GRIN2A: variants seen among roughly 807,000 people sequenced by gnomAD.
GRIN2A encodes glutamate receptor ionotropic, NMDA 2A.
Under a neutral mutation model 113.4 loss-of-function variants are expected in GRIN2A, and 22 were observed. That is an observed-to-expected ratio of 0.19 (90% CI 0.14 to 0.28). GRIN2A has a LOEUF of 0.28. Ranked by LOEUF, GRIN2A falls within the 10% of genes least tolerant of loss-of-function variation. GRIN2A has a pLI of 1.00. For synonymous variants in GRIN2A, 827 were observed against 738.4 expected (o/e 1.12, Z -1.94); for missense variants, 1,502 against 1,887.0 (o/e 0.80, Z 3.78).
chr16:9,762,288 G>A lies in GRIN2A; in HGVS notation c.*861C>T, dbSNP rs529903493. On this transcript the variant is annotated 3_prime_UTR_variant, in exon 13 of 13. Coordinates refer to ENST00000330684, the MANE Select transcript of GRIN2A (RefSeq NM_001134407.3). ...GAAATGCAAACTTACGTACATAGGCGTCTTCGGGATAAACTACAATGGCCA... is the reference window on the plus strand; with the variant it reads ...GAAATGCAAACTTACGTACATAGGCATCTTCGGGATAAACTACAATGGCCA... 7 of 226,146 alleles carry A rather than the reference G, an allele frequency of 3.1e-5. No homozygotes were observed. The highest frequency in any genetic ancestry group is 1.3e-4 in the East Asian group (2 of 15,744). 14.0% of individuals were successfully genotyped at this position (226,146 alleles called of 1,614,324 possible).
At chr16:9,802,113 G>C (rs778870388) in intron 10 of GRIN2A, among the ~76,000 whole-genome samples, 3 of 152,210 alleles carry the variant, frequency 2.0e-5, no homozygotes, top group Non-Finnish European at 4.4e-5. Context: ...ATTATACACT[G>C]ATGGTGGGAG....
intron 2 of GRIN2A, among the ~76,000 whole-genome samples, chr16:10,088,198 G>A (rs368625085): frequency 6.2e-4 from 94 of 152,210 alleles, no homozygotes; most frequent in African/African-American, 2.1e-3. Context: ...CACATCCCAG[G>A]CTCAGAGCCT....
chr16:10,103,804 A>G lies in GRIN2A; in HGVS notation c.414+76194T>C, dbSNP rs535485077. Among the ~76,000 whole-genome samples the G allele has an allele frequency of 2.9e-4, 44 of 152,266 alleles. No individual in the cohort carries two copies. The South Asian group carries it at 4.8e-3, about 16-fold the overall frequency. On this transcript the variant is annotated intron_variant, in intron 2 of 12. Transcript: ENST00000330684. ...CTCTATGGGCTCTACTTCTTCCCTT[A>G]GATTCTAGAGCACCATGGAATGTAT...
At position 9,763,612 on chromosome 16, in the gene GRIN2A, A is replaced by G. The variant is rs772340081; in HGVS notation, c.3932T>C (p.Ile1311Thr). 6.2e-7 allele frequency: 1 copy of G among 1,613,472 alleles called. No homozygotes were observed. The highest frequency in any genetic ancestry group is 8.5e-7 in the Non-Finnish European group (1 of 1,180,002). ...AAGCCGTTCCCTGTCCTTGAGGCTT[A>G]TGCTCCGGGAGGGCCTGCTAAGGTC... ...ELDLSRPSRSISLKDRERLLE... is the reference protein window; with the variant it reads ...ELDLSRPSRSTSLKDRERLLE... The change falls in exon 13 of 13, where the codon ATA (isoleucine) becomes ACA (threonine). Residue 1311 changes from isoleucine to threonine, a missense_variant. Coordinates refer to ENST00000330684, the MANE Select transcript of GRIN2A (RefSeq NM_001134407.3).
At chr16:9,822,667 G>A (rs970768600) in intron 9 of GRIN2A, among the ~76,000 whole-genome samples, 1 of 152,090 alleles carries the variant, frequency 6.6e-6, no homozygotes, top group Admixed American at 6.5e-5. Flanking sequence ...CTGTACTACT[G>A]CTCAGATCCT....
intron 12 of GRIN2A, among the ~76,000 whole-genome samples, chr16:9,765,287 C>T (rs549939630): frequency 6.6e-6 from 1 of 152,320 alleles, no homozygotes; most frequent in East Asian, 1.9e-4. Context: ...AGCCTCCCAG[C>T]ACCCGGGTCA....
intron 4 of GRIN2A, among the ~76,000 whole-genome samples, chr16:9,866,996 C>T (rs955406571): frequency 3.9e-5 from 6 of 152,208 alleles, no homozygotes; most frequent in South Asian, 2.1e-4. Context: ...CATCCCTGGT[C>T]TCTATCTTCT....
intron 2 of GRIN2A, among the ~76,000 whole-genome samples, chr16:9,961,797 C>CA (rs147048084): frequency 0.03 from 4,564 of 152,058 alleles, 93 homozygotes; most frequent in African/African-American, 0.045. Flanking sequence ...CATATGGAAC[C>CA]AAAAAAGAGC....
At chr16:10,058,776 A>T (rs2047499621) in intron 2 of GRIN2A, among the ~76,000 whole-genome samples, 1 of 152,228 alleles carries the variant, frequency 6.6e-6, no homozygotes, top group African/African-American at 2.4e-5. Context: ...CCAAATTCTG[A>T]ATGTTTCTGA....
chr16:10,180,113 A>G lies in GRIN2A; in HGVS notation c.299T>C (p.Phe100Ser), dbSNP rs2142388689. ...GGCCTCCTGGTCCGTGTCGTCCCCA[A>G]ACACGAGGCCGTGGATGCGTGCCCC... is the stretch of plus-strand genomic sequence containing the variant. ...MSGARIHGLV[F>S]GDDTDQEAVA... Residue 100 changes from phenylalanine to serine, a missense_variant, in exon 2 of 13, where the codon TTT becomes TCT. Transcript: ENST00000330684. The surrounding 1 kb of genome is among the most constrained non-coding windows in gnomAD (Gnocchi z 7.0). The G allele has an allele frequency of 6.2e-7, 1 of 1,614,190 alleles. No individual in the cohort carries two copies. The highest frequency in any genetic ancestry group is 8.5e-7 in the Non-Finnish European group (1 of 1,180,034).
chr16:10,179,893 C>CCCCAAAAAAAAAAAAAAAA, intron 2 of GRIN2A, 105 bp downstream of exon 2: 3 of 719,816 alleles, frequency 4.2e-6, no homozygotes, highest in East Asian at 3.6e-5. Context: ...CCCCCACCCC[C>CCCCAAAAAAAAAAAAAAAA]ACTTCACATC....
At position 9,979,845 on chromosome 16, in the gene GRIN2A, CTGTGTGTGTGTGTGTG is replaced by C. The variant is rs60999132; in HGVS notation, c.415-41310_415-41295del. ...TATGTATTTATCTAGGACTTATATT[CTGTGTGTGTGTGTGTG>C]TGTGTGTGTGTGTGTATGAGATAAA... On this transcript the variant is annotated intron_variant, in intron 2 of 12. Coordinates refer to ENST00000330684, the MANE Select transcript of GRIN2A (RefSeq NM_001134407.3). 4.9e-4 allele frequency among the ~76,000 whole-genome samples: 66 copies of C among 133,496 alleles called. No individual in the cohort carries two copies. The East Asian group carries it at 0.015, about 31-fold the overall frequency. 87.6% of individuals were successfully genotyped at this position (133,496 alleles called of 152,430 possible). A position where few individuals can be genotyped will look rare whatever the true frequency, so the allele number is the denominator to read the frequency against.
At chr16:10,058,278 CCAAAAAA>C (rs984914957) in intron 2 of GRIN2A, among the ~76,000 whole-genome samples, 12 of 141,220 alleles carry the variant, frequency 8.5e-5, no homozygotes, top group Non-Finnish European at 1.3e-4. Context: ...AACAAAAAAA[CCAAAAAA>C]CAAAAAAACA....
At position 9,764,839 on chromosome 16, in the gene GRIN2A, T is replaced by C. The variant is rs1900814635; in HGVS notation, c.2705A>G (p.Lys902Arg). ...CATGTTGGACATGCTGGAAATGTTT[T>C]TGGCTGACCGGAGGAGTTTTAACAT... is the stretch of plus-strand genomic sequence containing the variant. ...SNMLKLLRSA[K>R]NISSMSNMNS... is the part of the protein sequence containing the mutation. The change falls in exon 13 of 13, where the codon AAA becomes AGA. Residue 902 changes from lysine to arginine, a missense_variant. Coordinates refer to ENST00000330684, the MANE Select transcript of GRIN2A (RefSeq NM_001134407.3). 6.2e-7 allele frequency: 1 copy of C among 1,614,198 alleles called. No homozygotes were observed. Among genetic ancestry groups the C allele is most frequent in the Non-Finnish European group, 8.5e-7 (1 of 1,180,020 alleles).
Position 9,993,287 on chromosome 16 carries a change from T to C in GRIN2A, c.415-54736A>G, listed in dbSNP as rs111500117. The stretch of plus-strand genomic sequence containing the variant: ...AAATAAGGTTGGATATGGGGGTTCA[T>C]GCCTGAAATCACACTGTTTTGGGAG... On this transcript the variant is annotated intron_variant, in intron 2 of 12. Coordinates refer to ENST00000330684, the MANE Select transcript of GRIN2A (RefSeq NM_001134407.3). Among the ~76,000 whole-genome samples the C allele has an allele frequency of 8.9e-3, 1,357 of 152,160 alleles. 19 individuals are homozygous for C. The highest frequency in any genetic ancestry group is 0.032 in the African/African-American group (1,311 of 41,520).
intron 2 of GRIN2A, among the ~76,000 whole-genome samples, chr16:10,018,988 TA>T (rs1388394200): frequency 6.6e-6 from 1 of 151,702 alleles, no homozygotes; most frequent in African/African-American, 2.4e-5. Flanking sequence ...CAAGAAAAAA[TA>T]TTTTTTTTGG....
intron 12 of GRIN2A, among the ~76,000 whole-genome samples, chr16:9,766,762 A>G (rs1482262733): frequency 3.9e-5 from 6 of 152,120 alleles, no homozygotes; most frequent in Admixed American, 1.3e-4. Flanking sequence ...AAATCAATCA[A>G]TCAATCAATA....
chr16:9,954,056 C>T lies in GRIN2A; in HGVS notation c.415-15505G>A, dbSNP rs80101086. The stretch of plus-strand genomic sequence containing the variant: ...TCCTCCTCCTGCTTTCTTTTTTCCC[C>T]ATTCCCCAATGTCCTCTAAGTCAAT... On this transcript the variant is annotated intron_variant, in intron 2 of 12. Transcript: ENST00000330684. Among the ~76,000 whole-genome samples, 1,207 of 152,242 alleles carry T rather than the reference C, an allele frequency of 7.9e-3. 8 individuals are homozygous for T. Among genetic ancestry groups the T allele is most frequent in the African/African-American group, 0.028 (1,167 of 41,536 alleles).
At chr16:10,054,009 T>C (rs888162119) in intron 2 of GRIN2A, among the ~76,000 whole-genome samples, 3 of 151,720 alleles carry the variant, frequency 2.0e-5, no homozygotes, top group Admixed American at 6.6e-5. Flanking sequence ...CAAATACTTT[T>C]GCACCAATCT....
Sources: allele counts gnomAD v4.1 joint callset (sites outside exome capture counted in the v4.1 genomes callset), GRCh38; gene constraint gnomAD v4.1.1; non-coding constraint Gnocchi (gnomAD v3.1); transcripts MANE v1.5; gene names NCBI Gene and HGNC (gene_info 2026-07-23, HGNC 2026-07-21).